CBFA2T3: variants seen among roughly 807,000 people sequenced by gnomAD.
CBFA2T3 encodes the protein CBFA2/RUNX1 partner transcriptional co-repressor 3.
A neutral mutation model predicts 58.6 loss-of-function variants in CBFA2T3; 31 were observed. The observed-to-expected ratio is 0.53, with a 90% CI of 0.40 to 0.71. The LOEUF (loss-of-function observed/expected upper bound fraction) is 0.71, where lower values mean the gene tolerates loss of function less well. Among genes scored for constraint, CBFA2T3 ranks in the 30% least tolerant of loss-of-function variants. CBFA2T3 has a pLI of 0.00. For missense variants in CBFA2T3, 1,076 were observed against 963.1 expected, an observed-to-expected ratio of 1.12 and a Z score of -1.55; for synonymous variants, 531 against 421.9, an observed-to-expected ratio of 1.26 and a Z score of -3.17.
At chr16:88,907,229 G>A (rs1467774338) in intron 1 of CBFA2T3, among the ~76,000 whole-genome samples, 2 of 152,180 alleles carry the variant, frequency 1.3e-5, no homozygotes, top group Non-Finnish European at 2.9e-5. Context: ...ATGGAATTTG[G>A]GGAGGGCTCC....
chr16:88,953,508 G>C lies in CBFA2T3; in HGVS notation c.151+23149C>G, dbSNP rs1972133655. 7.3e-6 allele frequency among the ~76,000 whole-genome samples: 1 copy of C among 136,624 alleles called. No individual in the cohort carries two copies. Among genetic ancestry groups the C allele is most frequent in the Admixed American group, 6.8e-5 (1 of 14,678 alleles). 89.6% of individuals were successfully genotyped at this position (136,624 alleles called of 152,430 possible). Reference sequence around the variant, plus strand: ...TCCCCACAGCTGCCGCCCACTCTTGGGACCCTGAGTGTGGGGAGGCTGGGG... The same window carrying C: ...TCCCCACAGCTGCCGCCCACTCTTGCGACCCTGAGTGTGGGGAGGCTGGGG... On this transcript the variant is annotated intron_variant, in intron 1 of 11. Transcript: ENST00000268679. The surrounding 1 kb of genome is among the most constrained non-coding windows in gnomAD (Gnocchi z 4.9).
intron 1 of CBFA2T3, among the ~76,000 whole-genome samples, chr16:88,930,919 C>T (rs1025525479): frequency 2.0e-5 from 3 of 151,112 alleles, no homozygotes; most frequent in East Asian, 2.0e-4. Flanking sequence ...CGTGTGGGAG[C>T]GAGCTGGCGG....
Position 88,953,095 on chromosome 16 carries a change from C to T in CBFA2T3, c.151+23562G>A, listed in dbSNP as rs1972122433. 6.6e-6 allele frequency among the ~76,000 whole-genome samples: 1 copy of T among 152,238 alleles called. No individual in the cohort carries two copies. Among genetic ancestry groups the T allele is most frequent in the African/African-American group, 2.4e-5 (1 of 41,458 alleles). ...AGAAAAAACACAACCTGGTCTCCGT[C>T]TGCCGGTTAGATCGGCCCCCAGTCC... On this transcript the variant is annotated intron_variant, in intron 1 of 11. Coordinates refer to ENST00000268679, the MANE Select transcript of CBFA2T3 (RefSeq NM_005187.6). This position sits in a 1 kb window ranked among gnomAD's most constrained non-coding sequence, Gnocchi z 4.9.
intron 5 of CBFA2T3, among the ~76,000 whole-genome samples, chr16:88,890,437 G>A (rs755578441): frequency 2.6e-5 from 4 of 152,212 alleles, no homozygotes; most frequent in Admixed American, 6.5e-5. Flanking sequence ...ACAGCAGTAC[G>A]GGCAGTGCTC....
intron 1 of CBFA2T3, among the ~76,000 whole-genome samples, chr16:88,976,070 C>T (rs1355973516): frequency 3.3e-5 from 5 of 152,206 alleles, no homozygotes; most frequent in African/African-American, 4.8e-5. Flanking sequence ...CAATAGCTGG[C>T]GTCCTGCTGG....
rs545803816 is a variant in CBFA2T3 at position 88,966,878 on chromosome 16, G to A, written c.151+9779C>T. On this transcript the variant is annotated intron_variant, in intron 1 of 11. Transcript: ENST00000268679. ...AGGCGCTCATTTCCCCCAGGAAGCC[G>A]GGATAGGGCCCACACCCACCCTGGA... 6.5e-4 allele frequency among the ~76,000 whole-genome samples: 99 copies of A among 152,260 alleles called. 1 individual carries two copies. The highest frequency in any genetic ancestry group is 2.4e-3 in the African/African-American group (98 of 41,556).
rs202185508 is a variant in CBFA2T3, at chr16:88,922,902, A to AC, written c.152-21247dup. ...TTATATAATCACGATGAAAACATAAACCTCTCACTCTTCCCACCGTACAGA... is the reference window on the plus strand; with the variant it reads ...TTATATAATCACGATGAAAACATAAACCCTCTCACTCTTCCCACCGTACAGA... On this transcript the variant is annotated intron_variant, in intron 1 of 11. Coordinates refer to ENST00000268679, the MANE Select transcript of CBFA2T3 (RefSeq NM_005187.6). 7.3e-3 allele frequency among the ~76,000 whole-genome samples: 1,107 copies of AC among 152,032 alleles called. 21 individuals are homozygous for AC. The highest frequency in any genetic ancestry group is 0.026 in the African/African-American group (1,069 of 41,474).
At chr16:88,878,486 A>G (rs1968925176) in intron 11 of CBFA2T3, among the ~76,000 whole-genome samples, 1 of 152,244 alleles carries the variant, frequency 6.6e-6, no homozygotes, top group Admixed American at 6.5e-5. Context: ...ACAAGGCAGA[A>G]AAGGGTCGCG....
intron 5 of CBFA2T3, among the ~76,000 whole-genome samples, chr16:88,888,070 G>C (rs1969453994): frequency 6.6e-6 from 1 of 152,080 alleles, no homozygotes; most frequent in Non-Finnish European, 1.5e-5. Context: ...CTCTGGCCGA[G>C]ACAGACTCCG....
At chr16:88,904,397 TACCC>T (rs1263957060) in intron 1 of CBFA2T3, among the ~76,000 whole-genome samples, 1 of 152,104 alleles carries the variant, frequency 6.6e-6, no homozygotes, top group Non-Finnish European at 1.5e-5. Flanking sequence ...TGAAGTCATC[TACCC>T]AAGGTCACAC....
chr16:88,902,948 G>A (rs1597700439), intron 1 of CBFA2T3, among the ~76,000 whole-genome samples: 1 of 152,268 alleles, frequency 6.6e-6, no homozygotes, highest in South Asian at 2.1e-4. Context: ...ACACCTGTGG[G>A]TCTCACCCAC....
At position 88,958,781 on chromosome 16, in the gene CBFA2T3, G is replaced by A. The variant is rs1030909242; in HGVS notation, c.151+17876C>T. On this transcript the variant is annotated intron_variant, in intron 1 of 11. Coordinates refer to ENST00000268679, the MANE Select transcript of CBFA2T3 (RefSeq NM_005187.6). This position sits in a 1 kb window ranked among gnomAD's most constrained non-coding sequence, Gnocchi z 4.0. Reference sequence around the variant, plus strand: ...GGGCCTCAGCGTAGCCCAGGTCTGCGCTGGCTCTGGGCTCTTCCCGCTGCA... The same window carrying A: ...GGGCCTCAGCGTAGCCCAGGTCTGCACTGGCTCTGGGCTCTTCCCGCTGCA... 1.8e-4 allele frequency among the ~76,000 whole-genome samples: 28 copies of A among 152,092 alleles called. 1 individual carries two copies. The highest frequency in any genetic ancestry group is 6.5e-4 in the African/African-American group (27 of 41,422).
In CBFA2T3 at chr16:88,892,352, G is replaced by A; in HGVS notation, c.513C>T (p.Ala171=). The part of the protein sequence containing the change: ...STQHLPPACG[A]RQLSKLKRFL... ...AGCGCTTGAGCTTGCTGAGCTGCCGGGCCCCGCAGGCTGGGGGCAGGTGCT... is the reference window on the plus strand; with the variant it reads ...AGCGCTTGAGCTTGCTGAGCTGCCGAGCCCCGCAGGCTGGGGGCAGGTGCT... Residue 171 remains alanine, a synonymous_variant, in exon 4 of 12, where the codon GCC becomes GCT. Transcript: ENST00000268679. The A allele has an allele frequency of 1.2e-6, 2 of 1,613,316 alleles. No individual in the cohort carries two copies. The highest frequency in any genetic ancestry group is 1.7e-6 in the Non-Finnish European group (2 of 1,179,968).
chr16:88,915,930 GCGTGTGAGTGTGCATGCATGAGTGTA>G (rs1180131676), intron 1 of CBFA2T3, among the ~76,000 whole-genome samples: 1 of 152,076 alleles, frequency 6.6e-6, no homozygotes, highest in Non-Finnish European at 1.5e-5. Context: ...AGGCATGTGT[GCGTGTGAGTGTGCATGCATGAGTGTA>G]CGTGGGTGCA....
intron 5 of CBFA2T3, among the ~76,000 whole-genome samples, chr16:88,889,113 CAA>C (rs1050115776): frequency 4.0e-5 from 6 of 151,024 alleles, no homozygotes; most frequent in African/African-American, 1.5e-4. Flanking sequence ...ACTGTGTCCC[CAA>C]AGACTGGGAG....
chr16:88,966,742 GT>G (rs1972513906), intron 1 of CBFA2T3, among the ~76,000 whole-genome samples: 1 of 144,036 alleles, frequency 6.9e-6, no homozygotes. Context: ...AGCTGGGTGG[GT>G]TGGGGTGGGG....
intron 2 of CBFA2T3, among the ~76,000 whole-genome samples, chr16:88,900,213 G>T (rs1298455953): frequency 6.6e-6 from 1 of 152,250 alleles, no homozygotes; most frequent in Non-Finnish European, 1.5e-5. Context: ...ACTGAGTGCC[G>T]GGCACATTTC....
At chr16:88,961,376 C>T (rs1409886151) in intron 1 of CBFA2T3, among the ~76,000 whole-genome samples, 1 of 151,966 alleles carries the variant, frequency 6.6e-6, no homozygotes, top group East Asian at 1.9e-4. Context: ...CATTCCCACT[C>T]CATAGCAACT....
At chr16:88,930,426 A>G (rs186841560) in intron 1 of CBFA2T3, among the ~76,000 whole-genome samples, 6 of 152,254 alleles carry the variant, frequency 3.9e-5, no homozygotes, top group African/African-American at 1.4e-4. Context: ...GGTCCACCAT[A>G]ACAACAATGG....
Sources: gnomAD v4.1 joint callset for allele counts (sites outside exome capture counted in the v4.1 genomes callset) on GRCh38, gnomAD v4.1.1 for gene constraint, Gnocchi (gnomAD v3.1) non-coding constraint, MANE v1.5 for transcripts, NCBI Gene and HGNC (gene_info 2026-07-23, HGNC 2026-07-21) for gene names.